Variants in RBFOX1 observed in about 807,000 individuals in gnomAD.
RBFOX1 encodes the protein RNA binding fox-1 homolog 1.
RBFOX1 carries 8 observed loss-of-function variants against 57.7 expected under a neutral mutation model. That is an observed-to-expected ratio of 0.14 (90% CI 0.08 to 0.25). RBFOX1 has a LOEUF of 0.25. Among genes scored for constraint, RBFOX1 ranks in the 10% least tolerant of loss-of-function variants. RBFOX1 has a pLI of 1.00. For synonymous variants in RBFOX1, 326 were observed against 222.4 expected, an observed-to-expected ratio of 1.47 and a Z score of -4.15; for missense variants, 611 against 548.5, an observed-to-expected ratio of 1.11 and a Z score of -1.14.
chr16:6,505,999 A>C (rs1253766373), intron 2 of RBFOX1, among the ~76,000 whole-genome samples: 3 of 152,192 alleles, frequency 2.0e-5, no homozygotes, highest in Non-Finnish European at 4.4e-5. Context: ...CAAACCTCTA[A>C]TTACTATCTG....
At chr16:6,042,275 A>ATT (rs1216125590) in intron 1 of RBFOX1, among the ~76,000 whole-genome samples, 1 of 151,680 alleles carries the variant, frequency 6.6e-6, no homozygotes, top group Non-Finnish European at 1.5e-5. Context: ...TAATTTTTGT[A>ATT]TTTTTAGTAG....
intron 3 of RBFOX1, among the ~76,000 whole-genome samples, chr16:5,760,434 A>T (rs1271999480): frequency 6.6e-6 from 1 of 152,200 alleles, no homozygotes; most frequent in Non-Finnish European, 1.5e-5. Flanking sequence ...AATTGTAAGT[A>T]GGTATTCAAT....
chr16:6,390,321 A>G (rs1309417074), intron 2 of RBFOX1, among the ~76,000 whole-genome samples: 1 of 152,132 alleles, frequency 6.6e-6, no homozygotes, highest in African/African-American at 2.4e-5. Context: ...CCCCACCCCC[A>G]AATCCTGAAC....
chr16:6,766,280 A>T (rs896145026), intron 3 of RBFOX1, among the ~76,000 whole-genome samples: 14 of 152,128 alleles, frequency 9.2e-5, no homozygotes, highest in Admixed American at 9.2e-4. Flanking sequence ...ATCTCTTTCC[A>T]ACAGAAAAAG....
intron 3 of RBFOX1, among the ~76,000 whole-genome samples, chr16:6,732,576 A>C (rs2068942311): frequency 6.6e-6 from 1 of 152,234 alleles, no homozygotes. Context: ...ACTTTCCACC[A>C]CGATTAATGC....
intron 1 of RBFOX1, among the ~76,000 whole-genome samples, chr16:5,411,116 T>C (rs1243710172): frequency 2.6e-5 from 4 of 152,178 alleles, no homozygotes; most frequent in Non-Finnish European, 1.5e-5. Flanking sequence ...GGGATAGATA[T>C]AATTCTTGGG....
chr16:6,148,771 A>G (rs1241285274), intron 1 of RBFOX1, among the ~76,000 whole-genome samples: 2 of 152,232 alleles, frequency 1.3e-5, no homozygotes, highest in Admixed American at 1.3e-4. Flanking sequence ...AAGATTGCCT[A>G]TCAATTAAAA....
At chr16:6,524,326 C>T (rs1050055876) in intron 2 of RBFOX1, among the ~76,000 whole-genome samples, 1 of 152,188 alleles carries the variant, frequency 6.6e-6, no homozygotes, top group Admixed American at 6.5e-5. Context: ...GACTGTATCT[C>T]GTTCCTTTAT....
At chr16:6,977,137 ATATTATATATATC>A (rs1308746472) in intron 3 of RBFOX1, among the ~76,000 whole-genome samples, 3 of 136,934 alleles carry the variant, frequency 2.2e-5, no homozygotes, top group East Asian at 2.2e-4. Flanking sequence ...TATATGATAT[ATATTATATATATC>A]ATATATATCA....
At chr16:5,859,817 C>T (rs1054953233) in intron 3 of RBFOX1, among the ~76,000 whole-genome samples, 1 of 152,182 alleles carries the variant, frequency 6.6e-6, no homozygotes, top group African/African-American at 2.4e-5. Context: ...ATCCCTAAAA[C>T]TTAGTAACCG....
intron 3 of RBFOX1, among the ~76,000 whole-genome samples, chr16:6,809,728 C>A (rs1276301494): frequency 1.3e-5 from 2 of 152,148 alleles, no homozygotes; most frequent in Non-Finnish European, 2.9e-5. Flanking sequence ...ATTGGTCTTT[C>A]TCAGCGACAG....
At chr16:6,676,140 GCGCACACACACACACA>G (rs1444305917) in intron 3 of RBFOX1, among the ~76,000 whole-genome samples, 3 of 27,832 alleles carry the variant, frequency 1.1e-4, no homozygotes, top group African/African-American at 2.1e-4. Context: ...ACACACACAC[GCGCACACACACACACA>G]CACACACACA....
intron 4 of RBFOX1, among the ~76,000 whole-genome samples, chr16:7,205,258 C>A (rs1011003710): frequency 7.9e-5 from 12 of 152,184 alleles, no homozygotes; most frequent in African/African-American, 2.9e-4. Context: ...CGGCTCACAC[C>A]TGTAATCCCA....
At chr16:6,217,694 C>T (rs918018595) in intron 1 of RBFOX1, among the ~76,000 whole-genome samples, 1 of 152,206 alleles carries the variant, frequency 6.6e-6, no homozygotes, top group Non-Finnish European at 1.5e-5. Context: ...ATCGCACAGA[C>T]ACCTGACACC....
intron 2 of RBFOX1, among the ~76,000 whole-genome samples, chr16:6,588,567 G>T (rs969736212): frequency 6.6e-6 from 1 of 152,036 alleles, no homozygotes; most frequent in African/African-American, 2.4e-5. Flanking sequence ...CTGGAGAATC[G>T]CTTGAATCTA....
chr16:7,236,160 T>C (rs1326970103), intron 4 of RBFOX1, among the ~76,000 whole-genome samples: 1 of 152,202 alleles, frequency 6.6e-6, no homozygotes, highest in East Asian at 1.9e-4. Flanking sequence ...ACATTGCTAC[T>C]GTTAAGCATT....
At chr16:6,527,952 C>T (rs887691612) in intron 2 of RBFOX1, among the ~76,000 whole-genome samples, 41 of 152,126 alleles carry the variant, frequency 2.7e-4, no homozygotes, top group Admixed American at 6.6e-4. Context: ...CCCATGGCAT[C>T]GCTGAACCGT....
intron 3 of RBFOX1, among the ~76,000 whole-genome samples, chr16:6,999,866 G>A (rs1259062534): frequency 6.6e-6 from 1 of 152,092 alleles, no homozygotes; most frequent in Non-Finnish European, 1.5e-5. Context: ...GAGGTCAGGA[G>A]TTTGAGAGCA....
chr16:6,621,464 A>AAAAC, intron 2 of RBFOX1, among the ~76,000 whole-genome samples: 1 of 137,130 alleles, frequency 7.3e-6, no homozygotes. Flanking sequence ...ACTCTGTCTC[A>AAAAC]AAACAAACAA....
Sources: allele counts gnomAD v4.1 joint callset (sites outside exome capture counted in the v4.1 genomes callset), GRCh38; gene constraint gnomAD v4.1.1; transcripts MANE v1.5; gene names NCBI Gene and HGNC (gene_info 2026-07-23, HGNC 2026-07-21).